Variants in DOT1L observed in about 807,000 individuals in gnomAD.
The protein encoded by DOT1L is DOT1 like histone lysine methyltransferase, also known as histone-lysine N-methyltransferase, H3 lysine-79 specific.
In DOT1L, 33 loss-of-function variants were observed where a neutral mutation model predicts 153.3. The ratio of observed to expected loss-of-function variants is 0.22; its 90% CI spans 0.16 to 0.29. The LOEUF (loss-of-function observed/expected upper bound fraction) is 0.29, where lower values mean the gene tolerates loss of function less well. Among genes scored for constraint, DOT1L ranks in the 10% least tolerant of loss-of-function variants. The pLI is 1.00. For synonymous variants in DOT1L, 1,135 were observed against 965.1 expected (o/e 1.18, Z -3.26); for missense variants, 1,847 against 2,119.9 (o/e 0.87, Z 2.53).
rs2019928700 is a variant in DOT1L at position 2,166,513 on chromosome 19, G to C, written c.81+2248G>C. 3.7e-5 allele frequency among the ~76,000 whole-genome samples: 5 copies of C among 136,590 alleles called. No individual in the cohort carries two copies. The South Asian group carries it at 1.1e-3, about 30-fold the overall frequency. The allele number at this position is 136,590 out of a possible 152,430, so 89.6% of individuals were successfully genotyped here. On this transcript the variant is annotated intron_variant, in intron 1 of 27. Transcript: ENST00000398665. ...TGCATCGTCTGCCTCCCGGGTTCAAGCGATTCTCCTGCCTCAGCCTCCTGA... is the reference window on the plus strand; with the variant it reads ...TGCATCGTCTGCCTCCCGGGTTCAACCGATTCTCCTGCCTCAGCCTCCTGA...
At chr19:2,224,708 TCTGCCTCCCA>T (rs1449956598) in intron 25 of DOT1L, among the ~76,000 whole-genome samples, 1 of 152,218 alleles carries the variant, frequency 6.6e-6, no homozygotes, top group Non-Finnish European at 1.5e-5. Flanking sequence ...CCTCAAGCCT[TCTGCCTCCCA>T]GTGCCTCCCA....
At chr19:2,209,536 C>A (rs1192109051) in intron 12 of DOT1L, among the ~76,000 whole-genome samples, 4 of 152,192 alleles carry the variant, frequency 2.6e-5, no homozygotes, top group Non-Finnish European at 4.4e-5. Flanking sequence ...TGGGCCCCCG[C>A]GCCCTGCACG....
intron 1 of DOT1L, among the ~76,000 whole-genome samples, chr19:2,171,229 G>C (rs555102373): frequency 3.9e-5 from 6 of 152,192 alleles, no homozygotes; most frequent in Non-Finnish European, 8.8e-5. Flanking sequence ...TGGGGTCTAA[G>C]GTACAGCAGG....
Position 2,227,911 on chromosome 19 carries a change from C to G in DOT1L, c.4606+784C>G. 7 of 1,201,868 alleles carry G rather than the reference C, an allele frequency of 5.8e-6. 1 individual carries two copies. The South Asian group carries it at 8.7e-5, about 15-fold the overall frequency. The allele number at this position is 1,201,868 out of a possible 1,614,324, so 74.5% of individuals were successfully genotyped here. ...TCGGTTGAGACCCGGCCGCCCCCTC[C>G]GCCTCCGCCTCCGCCTCCCCCGCTG... On this transcript the variant is annotated intron_variant, in intron 27 of 27. Transcript: ENST00000398665.
Position 2,220,912 on chromosome 19 carries a change from A to G in DOT1L, c.2806+690A>G. On this transcript the variant is annotated intron_variant, in intron 23 of 27. Coordinates refer to ENST00000398665, the MANE Select transcript of DOT1L (RefSeq NM_032482.3). The surrounding 1 kb of genome is among the most constrained non-coding windows in gnomAD (Gnocchi z 4.5). ...AAAATGTGGCCGGGCGTGGTGGCTCATGCCTGTAATCCCAGCACCTTGGGA... is the reference window on the plus strand; with the variant it reads ...AAAATGTGGCCGGGCGTGGTGGCTCGTGCCTGTAATCCCAGCACCTTGGGA... The G allele has an allele frequency of 7.5e-6, 2 of 264,978 alleles. 1 individual carries two copies. Among genetic ancestry groups the G allele is most frequent in the South Asian group, 7.6e-5 (2 of 26,458 alleles). 16.4% of individuals were successfully genotyped at this position (264,978 alleles called of 1,614,324 possible). A position where few individuals can be genotyped will look rare whatever the true frequency, so the allele number is the denominator to read the frequency against.
At position 2,232,447 on chromosome 19, in the gene DOT1L, G is replaced by A. The variant is rs915355968; in HGVS notation, c.*2655G>A. ...GTGGGAGGCTCTGCCGTGTCTTCCGGGTGAACTGTATTTGGATTGCGCGCA... is the reference window on the plus strand; with the variant it reads ...GTGGGAGGCTCTGCCGTGTCTTCCGAGTGAACTGTATTTGGATTGCGCGCA... On this transcript the variant is annotated 3_prime_UTR_variant, in exon 28 of 28. Coordinates refer to ENST00000398665, the MANE Select transcript of DOT1L (RefSeq NM_032482.3). 9.0e-6 allele frequency: 2 copies of A among 222,684 alleles called. No individual in the cohort carries two copies. The allele number at this position is 222,684 out of a possible 1,614,324, so 13.8% of individuals were successfully genotyped here.
chr19:2,193,907 A>G lies in DOT1L; in HGVS notation c.588+124A>G, dbSNP rs531660227. On this transcript the variant is annotated intron_variant, in intron 6 of 27. Transcript: ENST00000398665. The surrounding 1 kb of genome is among the most constrained non-coding windows in gnomAD (Gnocchi z 5.9). ...TCTGGGTGGCGTTCTTTCCAGGCCC[A>G]AGACGTCTTGGTTGCCTGCAGCGTG... 1.9e-5 allele frequency: 20 copies of G among 1,028,970 alleles called. No homozygotes were observed. The African/African-American group carries it at 2.7e-4, about 14-fold the overall frequency. 63.7% of individuals were successfully genotyped at this position (1,028,970 alleles called of 1,614,324 possible). A position where few individuals can be genotyped will look rare whatever the true frequency, so the allele number is the denominator to read the frequency against.
At chr19:2,228,259 C>T in intron 27 of DOT1L, 1 of 1,361,596 alleles carries the variant, frequency 7.3e-7, no homozygotes, top group Non-Finnish European at 9.8e-7. Context: ...ATCCCACAGG[C>T]CAGCGCCACG....
At chr19:2,229,338 C>T in intron 27 of DOT1L, 17 of 985,402 alleles carry the variant, frequency 1.7e-5, no homozygotes, top group Non-Finnish European at 2.0e-5. Flanking sequence ...CCTCAGGGGC[C>T]CCTGGGACAC....
Position 2,222,673 on chromosome 19 carries a change from G to T in DOT1L, c.3390+114G>T. ...CCCAGCATTTTGGGAGGCCGAGGCG[G>T]GTGGATCACAAGATCAGGACATCAA... On this transcript the variant is annotated intron_variant, in intron 24 of 27. Transcript: ENST00000398665. This position sits in a 1 kb window ranked among gnomAD's most constrained non-coding sequence, Gnocchi z 6.5. 9.6e-7 allele frequency: 1 copy of T among 1,037,824 alleles called. No homozygotes were observed. The allele number at this position is 1,037,824 out of a possible 1,614,324, so 64.3% of individuals were successfully genotyped here.
chr19:2,228,688 A>G, intron 27 of DOT1L: 1 of 985,358 alleles, frequency 1.0e-6, no homozygotes. Context: ...ACGGGGTGCC[A>G]GGCCAGGGGG....
rs762251746 is a variant in DOT1L, at chr19:2,185,945, T to A, written c.200+16T>A. Reference sequence around the variant, plus strand: ...ACACCAAAAGGTAAGCAGAGTCCTGTCCAGCCGCTCCGCTCCGAGGACAGA... The same window carrying A: ...ACACCAAAAGGTAAGCAGAGTCCTGACCAGCCGCTCCGCTCCGAGGACAGA... On this transcript the variant is annotated intron_variant, in intron 3 of 27. Transcript: ENST00000398665. 20 of 1,612,654 alleles carry A rather than the reference T, an allele frequency of 1.2e-5. No homozygotes were observed. The highest frequency in any genetic ancestry group is 1.7e-5 in the Non-Finnish European group (20 of 1,179,002).
chr19:2,177,176 C>T (rs1025385563), intron 1 of DOT1L, among the ~76,000 whole-genome samples: 3 of 152,350 alleles, frequency 2.0e-5, no homozygotes, highest in African/African-American at 7.2e-5. Context: ...AGCCACTAGC[C>T]ACTCGGCTGT....
In DOT1L at chr19:2,204,416, C is replaced by A. The variant is rs1214102434; in HGVS notation, c.787+1637C>A. ...GACTTATCTTAGAACCACGTGAGGA[C>A]ACCATGCTTCCCCGCCCAGTCGCCC... On this transcript the variant is annotated intron_variant, in intron 9 of 27. Transcript: ENST00000398665. This position sits in a 1 kb window ranked among gnomAD's most constrained non-coding sequence, Gnocchi z 5.7. Among the ~76,000 whole-genome samples the A allele has an allele frequency of 6.6e-6, 1 of 152,220 alleles. No homozygotes were observed. Among genetic ancestry groups the A allele is most frequent in the East Asian group, 1.9e-4 (1 of 5,184 alleles).
rs2144962931 is a variant in DOT1L, at chr19:2,229,883, C to T, written c.*91C>T. The T allele has an allele frequency of 1.2e-6, 2 of 1,608,304 alleles. No homozygotes were observed. The highest frequency in any genetic ancestry group is 1.3e-5 in the African/African-American group (1 of 75,028). On this transcript the variant is annotated 3_prime_UTR_variant, in exon 28 of 28. Transcript: ENST00000398665. ...TGCCCGCCGGCCTGCCGGGCTCCCACCCCTGGACGGCAGAGGCAAGGACGG... is the reference window on the plus strand; with the variant it reads ...TGCCCGCCGGCCTGCCGGGCTCCCATCCCTGGACGGCAGAGGCAAGGACGG...
chr19:2,204,111 G>A lies in DOT1L; in HGVS notation c.787+1332G>A, dbSNP rs1288372512. The stretch of plus-strand genomic sequence containing the variant: ...CTTGTGTGCCTGTGTCTGTGTGTGC[G>A]TGTCTGTGTCTCTGTGCATGCCTGT... On this transcript the variant is annotated intron_variant, in intron 9 of 27. Transcript: ENST00000398665. This position sits in a 1 kb window ranked among gnomAD's most constrained non-coding sequence, Gnocchi z 5.7. Among the ~76,000 whole-genome samples the A allele has an allele frequency of 1.1e-4, 16 of 152,002 alleles. No homozygotes were observed. The highest frequency in any genetic ancestry group is 4.6e-4 in the Admixed American group (7 of 15,246).
At chr19:2,210,288 G>A (rs1599592661) in intron 12 of DOT1L, 112 bp from the exon 13 acceptor site, 1 of 951,044 alleles carries the variant, frequency 1.1e-6, no homozygotes, top group South Asian at 1.8e-5. Flanking sequence ...GACTTGCAGT[G>A]GACAGAGTTG....
chr19:2,205,149 T>G (rs888277608), intron 9 of DOT1L, among the ~76,000 whole-genome samples: 1 of 151,958 alleles, frequency 6.6e-6, no homozygotes, highest in East Asian at 1.9e-4. Context: ...TTTTTTGTAT[T>G]TTTAGTAGAG....
Position 2,225,018 on chromosome 19 carries a change from G to A in DOT1L, c.3597-370G>A, listed in dbSNP as rs946658357. Among the ~76,000 whole-genome samples the A allele has an allele frequency of 2.2e-4, 34 of 152,196 alleles. 1 individual carries two copies. Among genetic ancestry groups the A allele is most frequent in the Non-Finnish European group, 5.0e-4 (34 of 68,018 alleles). On this transcript the variant is annotated intron_variant, in intron 25 of 27. Coordinates refer to ENST00000398665, the MANE Select transcript of DOT1L (RefSeq NM_032482.3). ...TGCTGTGGCATTGTTTGCCACCTGA[G>A]GCACCGAGGTCTGAGAGGGGCCGGG...
Sources: gnomAD v4.1 joint callset for allele counts (sites outside exome capture counted in the v4.1 genomes callset) on GRCh38, gnomAD v4.1.1 for gene constraint, Gnocchi (gnomAD v3.1) non-coding constraint, MANE v1.5 for transcripts, NCBI Gene and HGNC (gene_info 2026-07-23, HGNC 2026-07-21) for gene names.